NRG1: variants seen among roughly 807,000 people sequenced by gnomAD.
NRG1 encodes the protein pro-neuregulin-1, membrane-bound isoform.
NRG1 carries 18 observed loss-of-function variants against 63.8 expected under a neutral mutation model. That is an observed-to-expected ratio of 0.28 (90% CI 0.19 to 0.42). The LOEUF (loss-of-function observed/expected upper bound fraction) is 0.42, where lower values mean the gene tolerates loss of function less well. Ranked by LOEUF, NRG1 falls within the 10% of genes least tolerant of loss-of-function variation. NRG1 has a pLI of 1.00. For missense variants in NRG1, 762 were observed against 814.7 expected, an observed-to-expected ratio of 0.94 and a Z score of 0.79; for synonymous variants, 302 against 301.3, an observed-to-expected ratio of 1.00 and a Z score of -0.02.
chr8:31,676,635 T>C (rs62506879), intron 1 of NRG1, among the ~76,000 whole-genome samples: 30,311 of 152,086 alleles, frequency 0.2, 4,056 homozygotes, highest in East Asian at 0.59. Context: ...TGATATACCT[T>C]CCAGGGGTTC....
At chr8:32,337,176 A>C (rs1014521283) in intron 1 of NRG1, among the ~76,000 whole-genome samples, 4 of 151,922 alleles carry the variant, frequency 2.6e-5, no homozygotes, top group Non-Finnish European at 1.5e-5. Flanking sequence ...TGCCCAGCTA[A>C]TGTTTTAATT....
rs951036402 is a variant in NRG1 at position 32,690,893 on chromosome 8, T to C, written c.503-37056T>C. The stretch of plus-strand genomic sequence containing the variant: ...TCTGGCTGCTATCTAAGGAATCTCT[T>C]CTATTAGTTACATGGAAACTTGGAG... On this transcript the variant is annotated intron_variant, in intron 5 of 11. Transcript: ENST00000356819. Among the ~76,000 whole-genome samples, 9 of 151,794 alleles carry C rather than the reference T, an allele frequency of 5.9e-5. 1 individual carries two copies. The highest frequency in any genetic ancestry group is 5.9e-4 in the Admixed American group (9 of 15,208).
chr8:32,562,502 G>A (rs1836625156), intron 1 of NRG1, among the ~76,000 whole-genome samples: 1 of 152,062 alleles, frequency 6.6e-6, no homozygotes, highest in South Asian at 2.1e-4. Context: ...TTCCACCTTG[G>A]CCTCCCAAAG....
At chr8:31,906,900 T>C (rs1832562131) in intron 1 of NRG1, among the ~76,000 whole-genome samples, 1 of 152,018 alleles carries the variant, frequency 6.6e-6, no homozygotes, top group African/African-American at 2.4e-5. Context: ...TCTCAGTCTA[T>C]GAAAAAGAGA....
At chr8:31,663,584 G>A (rs1806223941) in intron 1 of NRG1, among the ~76,000 whole-genome samples, 1 of 152,058 alleles carries the variant, frequency 6.6e-6, no homozygotes, top group South Asian at 2.1e-4. Flanking sequence ...CACCCAAAAG[G>A]GTATTTTACA....
intron 1 of NRG1, among the ~76,000 whole-genome samples, chr8:32,132,024 T>C (rs1834889013): frequency 6.6e-6 from 1 of 152,052 alleles, no homozygotes; most frequent in Admixed American, 6.6e-5. Context: ...TCAAATTAAA[T>C]TCCTCTTTTT....
chr8:32,358,965 G>GTTTGA (rs1563357089), intron 1 of NRG1, among the ~76,000 whole-genome samples: 1 of 152,098 alleles, frequency 6.6e-6, no homozygotes, highest in African/African-American at 2.4e-5. Context: ...GTGAGGTAGG[G>GTTTGA]TTTGTTTTGT....
chr8:32,593,854 CAAAA>C (rs11444147), intron 1 of NRG1, among the ~76,000 whole-genome samples: 49 of 97,070 alleles, frequency 5.0e-4, no homozygotes, highest in African/African-American at 1.5e-3. Flanking sequence ...TTCAAGGTGT[CAAAA>C]AAAAAAAAAA....
intron 1 of NRG1, among the ~76,000 whole-genome samples, chr8:32,157,226 G>A (rs960991124): frequency 1.3e-5 from 2 of 151,200 alleles, no homozygotes; most frequent in South Asian, 2.1e-4. Context: ...AAAAATTAGC[G>A]TGCTGGCATG....
intron 1 of NRG1, among the ~76,000 whole-genome samples, chr8:31,912,569 T>TC (rs1383009927): frequency 1.5e-4 from 9 of 59,732 alleles, no homozygotes; most frequent in African/African-American, 5.5e-4. Context: ...AGAAATGCTT[T>TC]TTTTTTTTTT....
intron 5 of NRG1, among the ~76,000 whole-genome samples, chr8:32,630,178 T>C (rs560952759): frequency 1.4e-4 from 21 of 152,322 alleles, no homozygotes; most frequent in African/African-American, 4.6e-4. Flanking sequence ...TTGTGACCTC[T>C]ATGCTACTAG....
chr8:32,354,014 C>T (rs1390037588), intron 1 of NRG1, among the ~76,000 whole-genome samples: 7 of 152,146 alleles, frequency 4.6e-5, no homozygotes, highest in Non-Finnish European at 1.0e-4. Flanking sequence ...GAACAATTGA[C>T]ACATGCTACA....
intron 1 of NRG1, among the ~76,000 whole-genome samples, chr8:32,531,128 CAG>C (rs758115111): frequency 6.0e-5 from 9 of 149,828 alleles, no homozygotes; most frequent in African/African-American, 2.2e-4. Flanking sequence ...GAAAGAGAGA[CAG>C]AGAGAGAAGG....
intron 5 of NRG1, among the ~76,000 whole-genome samples, chr8:32,623,650 C>A (rs1848705999): frequency 6.6e-6 from 1 of 152,144 alleles, no homozygotes; most frequent in Admixed American, 6.5e-5. Flanking sequence ...TGACTTGGTG[C>A]AAGAGTTGGG....
intron 1 of NRG1, chr8:32,287,626 A>G (rs1452918231): frequency 3.3e-4 from 50 of 152,260 alleles, no homozygotes; most frequent in Admixed American, 3.3e-3. Flanking sequence ...TTATTCATCA[A>G]GCATTCGCCA....
intron 1 of NRG1, among the ~76,000 whole-genome samples, chr8:32,551,809 A>T (rs542484632): frequency 6.6e-6 from 1 of 152,068 alleles, no homozygotes; most frequent in African/African-American, 2.4e-5. Context: ...GCCCTGTAAC[A>T]GCCTGGGTCT....
chr8:32,605,453 A>T, intron 2 of NRG1, 109 bp from the exon 3 acceptor site: 1 of 1,216,698 alleles, frequency 8.2e-7, no homozygotes, highest in African/African-American at 1.5e-5. Context: ...ACATATGTAT[A>T]AGGTGGGGAG....
At chr8:32,713,776 A>G (rs1818442973) in intron 5 of NRG1, among the ~76,000 whole-genome samples, 1 of 147,470 alleles carries the variant, frequency 6.8e-6, no homozygotes, top group Non-Finnish European at 1.5e-5. Context: ...ATATAATTAA[A>G]ATCTTATATG....
At chr8:31,880,647 C>T (rs559654229) in intron 1 of NRG1, among the ~76,000 whole-genome samples, 9 of 152,254 alleles carry the variant, frequency 5.9e-5, no homozygotes, top group African/African-American at 1.9e-4. Flanking sequence ...TGATGTTTAA[C>T]GTCATCCACA....
Sources: allele counts gnomAD v4.1 joint callset (sites outside exome capture counted in the v4.1 genomes callset), GRCh38; gene constraint gnomAD v4.1.1; transcripts MANE v1.5; gene names NCBI Gene and HGNC (gene_info 2026-07-23, HGNC 2026-07-21).